The following POFUT3 variants were observed in gnomAD, a reference collection of about 807,000 sequenced individuals.
POFUT3 encodes protein O-fucosyltransferase 3, also known as GDP-fucose protein O-fucosyltransferase 3.
chr8:33,449,075 A>G, the POFUT3 span, among the ~76,000 whole-genome samples: 1 of 152,200 alleles, frequency 6.6e-6, no homozygotes, highest in Non-Finnish European at 1.5e-5. Context: ...ACTAGGGAAG[A>G]GAAGGTCATA....
chr8:33,433,053 G>A, the POFUT3 span, among the ~76,000 whole-genome samples: 2 of 151,906 alleles, frequency 1.3e-5, no homozygotes, highest in Non-Finnish European at 2.9e-5. Flanking sequence ...GACCACCATG[G>A]CAAAACTCCA....
the POFUT3 span, among the ~76,000 whole-genome samples, chr8:33,462,030 C>T: frequency 4.7e-5 from 7 of 149,812 alleles, no homozygotes; most frequent in Non-Finnish European, 8.9e-5. Flanking sequence ...CGTGGTGGCA[C>T]GCACCCGTAG....
chr8:33,324,129 G>A, the POFUT3 span, among the ~76,000 whole-genome samples: 16 of 152,124 alleles, frequency 1.1e-4, no homozygotes, highest in Non-Finnish European at 2.9e-5. Flanking sequence ...CAGCTGGGAT[G>A]TAGTAAGAAG....
the POFUT3 span, among the ~76,000 whole-genome samples, chr8:33,404,337 C>CAAAAAAAAAAA: frequency 9.0e-6 from 1 of 110,944 alleles, no homozygotes; most frequent in African/African-American, 3.4e-5. Flanking sequence ...GGCTCTGTCT[C>CAAAAAAAAAAA]AAAAAAAAAA....
chr8:33,372,265 T>C, the POFUT3 span: 6 of 1,074,182 alleles, frequency 5.6e-6, no homozygotes, highest in East Asian at 1.4e-4. Context: ...TCTCCCTCCA[T>C]TGCACAAGGA....
chr8:33,394,272 A>T, the POFUT3 span: 1 of 178,508 alleles, frequency 5.6e-6, no homozygotes, highest in South Asian at 9.4e-5. Context: ...TGAGGTAAAA[A>T]GGGGGAAAGA....
the POFUT3 span, among the ~76,000 whole-genome samples, chr8:33,379,980 C>CTATATATATAGTA: frequency 2.5e-5 from 2 of 80,010 alleles, no homozygotes; most frequent in Non-Finnish European, 4.3e-5. Flanking sequence ...TATATACACT[C>CTATATATATAGTA]TATATATATA....
the POFUT3 span, among the ~76,000 whole-genome samples, chr8:33,366,227 G>A: frequency 1.3e-5 from 2 of 152,108 alleles, no homozygotes; most frequent in South Asian, 2.1e-4. Flanking sequence ...TAGACATAGG[G>A]CAGGGAACAT....
chr8:33,406,647 T>G, the POFUT3 span, among the ~76,000 whole-genome samples: 1 of 151,932 alleles, frequency 6.6e-6, no homozygotes, highest in Non-Finnish European at 1.5e-5. Flanking sequence ...TTGCCCAGGC[T>G]GGTTTTGAAC....
At chr8:33,318,723 T>C in the POFUT3 span, among the ~76,000 whole-genome samples, 24 of 76,678 alleles carry the variant, frequency 3.1e-4, 1 homozygote, top group African/African-American at 1.3e-3. Flanking sequence ...ATATATTGTA[T>C]ATATATTTTA....
the POFUT3 span, among the ~76,000 whole-genome samples, chr8:33,348,170 C>CAAA: frequency 1.1e-4 from 10 of 95,068 alleles, no homozygotes; most frequent in African/African-American, 3.3e-4. Flanking sequence ...GACTCTGCCT[C>CAAA]AAAAAAAAAA....
At chr8:33,391,390 G>A in the POFUT3 span, among the ~76,000 whole-genome samples, 10 of 152,196 alleles carry the variant, frequency 6.6e-5, no homozygotes, top group Non-Finnish European at 1.0e-4. Flanking sequence ...AAATGGGCTT[G>A]TCCTTGTTTA....
chr8:33,458,435 C>G, the POFUT3 span, among the ~76,000 whole-genome samples: 1 of 152,260 alleles, frequency 6.6e-6, no homozygotes, highest in South Asian at 2.1e-4. Context: ...GGAATGGAGG[C>G]CAGGCCTGGT....
the POFUT3 span, among the ~76,000 whole-genome samples, chr8:33,324,147 A>G: frequency 6.6e-6 from 1 of 152,152 alleles, no homozygotes; most frequent in Admixed American, 6.5e-5. Flanking sequence ...AAGCACAAAA[A>G]AGCCCATGTG....
the POFUT3 span, among the ~76,000 whole-genome samples, chr8:33,374,891 T>TTTA: frequency 2.0e-5 from 3 of 150,992 alleles, no homozygotes; most frequent in African/African-American, 2.4e-5. Context: ...TTTTTTTTTT[T>TTTA]GAGACAGAAT....
the POFUT3 span, among the ~76,000 whole-genome samples, chr8:33,447,380 C>T: frequency 0.022 from 3,351 of 151,822 alleles, 59 homozygotes; most frequent in East Asian, 0.078. Context: ...ACTTGGGAGG[C>T]GGAGCTTGCA....
At chr8:33,338,720 C>A in the POFUT3 span, 1 of 152,114 alleles carries the variant, frequency 6.6e-6, no homozygotes, top group African/African-American at 2.4e-5. Context: ...AGAGTTCCCT[C>A]CTCGGGTGTC....
At chr8:33,427,331 AT>A in the POFUT3 span, among the ~76,000 whole-genome samples, 1 of 152,154 alleles carries the variant, frequency 6.6e-6, no homozygotes, top group African/African-American at 2.4e-5. Flanking sequence ...TAATCCCAGC[AT>A]TTTGGGAGGC....
the POFUT3 span, among the ~76,000 whole-genome samples, chr8:33,309,150 A>T: frequency 6.0e-4 from 25 of 41,598 alleles, 1 homozygote; most frequent in African/African-American, 3.2e-3. Flanking sequence ...AAAAAAAAAA[A>T]AAAAAAAAAA....
Sources: allele counts gnomAD v4.1 joint callset (sites outside exome capture counted in the v4.1 genomes callset), GRCh38; gene constraint gnomAD v4.1.1; transcripts MANE v1.5; gene names NCBI Gene and HGNC (gene_info 2026-07-23, HGNC 2026-07-21).